Variants in ANKFN1 observed in about 807,000 individuals in gnomAD.
ANKFN1 encodes ankyrin repeat and fibronectin type-III domain-containing protein 1.
Under a neutral mutation model 108.7 loss-of-function variants are expected in ANKFN1, and 74 were observed. The observed-to-expected ratio is 0.68, with a 90% CI of 0.56 to 0.83. The LOEUF is 0.83. Ranked by LOEUF, ANKFN1 falls within the 40% of genes least tolerant of loss-of-function variation. The probability of loss-of-function intolerance (pLI) is 0.00; values close to 1 mark genes in which losing one functional copy is unlikely to be tolerated. For missense variants in ANKFN1, 1,505 were observed against 1,382.3 expected, an observed-to-expected ratio of 1.09 and a Z score of -1.41; for synonymous variants, 547 against 516.2, an observed-to-expected ratio of 1.06 and a Z score of -0.81.
intron 10 of ANKFN1, among the ~76,000 whole-genome samples, chr17:56,443,254 A>T (rs187608016): frequency 1.1e-4 from 17 of 152,212 alleles, no homozygotes; most frequent in South Asian, 8.3e-4. Context: ...GTTACTGGGG[A>T]GGCTGAGGCA....
chr17:56,443,995 C>T (rs1236512464), intron 10 of ANKFN1, among the ~76,000 whole-genome samples: 1 of 152,128 alleles, frequency 6.6e-6, no homozygotes, highest in Non-Finnish European at 1.5e-5. Flanking sequence ...CTTTTTACTC[C>T]ATAATTCTAC....
chr17:56,469,929 G>T (rs1371103218), intron 15 of ANKFN1, among the ~76,000 whole-genome samples: 1 of 151,974 alleles, frequency 6.6e-6, no homozygotes. Context: ...TTTTCCTGAT[G>T]CTCTCCCTCC....
At chr17:56,493,258 AAAAC>A (rs138588511) in intron 19 of ANKFN1, among the ~76,000 whole-genome samples, 2,540 of 152,228 alleles carry the variant, frequency 0.017, 72 homozygotes, top group African/African-American at 0.056. Flanking sequence ...ATACCAAAGC[AAAAC>A]AAACAAACAA....
intron 1 of ANKFN1, among the ~76,000 whole-genome samples, chr17:56,211,276 TG>T (rs564117897): frequency 8.4e-4 from 128 of 152,362 alleles, no homozygotes; most frequent in Non-Finnish European, 1.4e-3. Flanking sequence ...AGTTGATTTT[TG>T]TATAGGGTGA....
At chr17:56,287,604 T>C (rs1457347414) in intron 3 of ANKFN1, among the ~76,000 whole-genome samples, 2 of 152,148 alleles carry the variant, frequency 1.3e-5, no homozygotes, top group Non-Finnish European at 2.9e-5. Flanking sequence ...TAAACGCTGA[T>C]CTGGGCCACA....
chr17:56,420,769 G>A (rs940185368), intron 8 of ANKFN1, among the ~76,000 whole-genome samples: 6 of 149,220 alleles, frequency 4.0e-5, no homozygotes, highest in African/African-American at 7.4e-5. Context: ...ATGCAGTGGC[G>A]CGATCTCGGC....
At chr17:56,375,898 A>C (rs2046934561) in intron 8 of ANKFN1, among the ~76,000 whole-genome samples, 1 of 152,242 alleles carries the variant, frequency 6.6e-6, no homozygotes, top group Non-Finnish European at 1.5e-5. Context: ...GGAAAAACAG[A>C]GGCAATGAGA....
At chr17:56,166,123 T>C (rs1411782291) in intron 1 of ANKFN1, among the ~76,000 whole-genome samples, 5 of 152,126 alleles carry the variant, frequency 3.3e-5, no homozygotes, top group Non-Finnish European at 7.4e-5. Context: ...AAAAAATGCA[T>C]AAAAAAAGTA....
intron 3 of ANKFN1, among the ~76,000 whole-genome samples, chr17:56,246,191 T>C (rs918884443): frequency 2.6e-5 from 4 of 152,166 alleles, no homozygotes; most frequent in Admixed American, 2.0e-4. Flanking sequence ...TTCTTCCTAA[T>C]TTGCTTGTTT....
At position 56,052,066 on chromosome 17, in the gene ANKFN1, CTACTT is replaced by C. The variant is rs1353889229; in HGVS notation, c.288+5744_288+5748del. Among the ~76,000 whole-genome samples the C allele has an allele frequency of 8.2e-4, 123 of 150,186 alleles. 1 individual carries two copies. The highest frequency in any genetic ancestry group is 4.3e-4 in the Non-Finnish European group (29 of 67,444). ...ACTTTCTTCACAGAATTGGAAAAAA[CTACTT>C]TAAAGTTCATATGGAACCAAAAAAG... On this transcript the variant is annotated intron_variant, in intron 4 of 12. Transcript: ENST00000635860.
At chr17:56,328,638 G>A (rs2144550588) in intron 4 of ANKFN1, among the ~76,000 whole-genome samples, 1 of 152,220 alleles carries the variant, frequency 6.6e-6, no homozygotes, top group South Asian at 2.1e-4. Context: ...CTTAGGGCAA[G>A]TTATTTCCTT....
intron 2 of ANKFN1, among the ~76,000 whole-genome samples, chr17:56,213,307 A>T (rs1567841264): frequency 6.6e-6 from 1 of 152,174 alleles, no homozygotes; most frequent in African/African-American, 2.4e-5. Flanking sequence ...CAGCATTAAC[A>T]CAGGAACCCC....
chr17:56,447,712 T>G (rs188008136), intron 10 of ANKFN1, among the ~76,000 whole-genome samples: 1 of 152,170 alleles, frequency 6.6e-6, no homozygotes, highest in Non-Finnish European at 1.5e-5. Flanking sequence ...TAAGTTATAT[T>G]TACAGAATGC....
intron 4 of ANKFN1, among the ~76,000 whole-genome samples, chr17:56,114,002 GT>G (rs1567790512): frequency 6.6e-6 from 1 of 152,130 alleles, no homozygotes; most frequent in Non-Finnish European, 1.5e-5. Context: ...CAAAAATTTC[GT>G]TGCGTAGATG....
Position 56,146,905 on chromosome 17 carries a change from T to C in ANKFN1, c.289-81012T>C, listed in dbSNP as rs574395445. Among the ~76,000 whole-genome samples the C allele has an allele frequency of 5.3e-5, 8 of 152,354 alleles. No homozygotes were observed. In the Middle Eastern group the frequency reaches 0.01, roughly 194 times the overall value. On this transcript the variant is annotated intron_variant, in intron 4 of 12. Transcript: ENST00000635860. ...CCAGAAAATGGGGTTTTCTTTTTTG[T>C]GGCATCATCAGGCTGCAAATTTTCC...
chr17:56,066,993 C>T (rs1440324256), intron 4 of ANKFN1, among the ~76,000 whole-genome samples: 1 of 152,138 alleles, frequency 6.6e-6, no homozygotes, highest in African/African-American at 2.4e-5. Context: ...GAGATCAAGA[C>T]CATCCTGGCT....
chr17:56,410,218 G>A (rs1010988288), intron 8 of ANKFN1, among the ~76,000 whole-genome samples: 1 of 152,088 alleles, frequency 6.6e-6, no homozygotes. Flanking sequence ...TGGGACTACA[G>A]GCATGTGCCA....
At chr17:56,343,480 T>C (rs909037441) in intron 4 of ANKFN1, among the ~76,000 whole-genome samples, 1 of 151,984 alleles carries the variant, frequency 6.6e-6, no homozygotes. Flanking sequence ...TTGAGGATCC[T>C]TGTAATGTGA....
At chr17:56,476,689 T>G (rs1568033800) in intron 15 of ANKFN1, among the ~76,000 whole-genome samples, 1 of 152,222 alleles carries the variant, frequency 6.6e-6, no homozygotes, top group African/African-American at 2.4e-5. Context: ...AAGCAAGGAT[T>G]TCATAAGAGT....
Sources: allele counts gnomAD v4.1 joint callset (sites outside exome capture counted in the v4.1 genomes callset), GRCh38; gene constraint gnomAD v4.1.1; transcripts MANE v1.5; gene names NCBI Gene and HGNC (gene_info 2026-07-23, HGNC 2026-07-21).